FKBP5: variants seen among roughly 807,000 people sequenced by gnomAD.
The protein encoded by FKBP5 is FKBP prolyl isomerase 5.
FKBP5 carries 23 observed loss-of-function variants against 50.5 expected under a neutral mutation model. The ratio of observed to expected loss-of-function variants is 0.46; its 90% CI spans 0.33 to 0.65. The LOEUF (loss-of-function observed/expected upper bound fraction) is 0.65. FKBP5 is among the 30% of genes least tolerant of loss of function. The pLI, the probability that FKBP5 is intolerant of heterozygous loss-of-function variation, is 0.02. For synonymous variants in FKBP5, 176 were observed against 190.6 expected, an observed-to-expected ratio of 0.92 and a Z score of 0.63; for missense variants, 411 against 553.1, an observed-to-expected ratio of 0.74 and a Z score of 2.58.
rs753783494 is a variant in FKBP5 at position 35,642,714 on chromosome 6, C to A, written c.105+6G>T. On this transcript the variant is annotated splice_donor_region_variant and intron_variant, in intron 2 of 10. Coordinates refer to ENST00000357266, the MANE Select transcript of FKBP5 (RefSeq NM_004117.4). Reference sequence around the variant, plus strand: ...CCTTGTATGTCACTCAGCTTTGTGGCCTCACCTTTAATACTCCCCTGTCTT... The same window carrying A: ...CCTTGTATGTCACTCAGCTTTGTGGACTCACCTTTAATACTCCCCTGTCTT... 2 of 1,609,294 alleles carry A rather than the reference C, an allele frequency of 1.2e-6. No individual in the cohort carries two copies. The highest frequency in any genetic ancestry group is 4.5e-5 in the East Asian group (2 of 44,798).
chr6:35,680,892 T>C (rs555709006), intron 1 of FKBP5, among the ~76,000 whole-genome samples: 2 of 152,358 alleles, frequency 1.3e-5, no homozygotes, highest in Admixed American at 6.5e-5. Flanking sequence ...TTCAGTCACA[T>C]TCCCTAGGTG....
chr6:35,703,218 C>T (rs1766223278), intron 2 of FKBP5, among the ~76,000 whole-genome samples: 1 of 151,740 alleles, frequency 6.6e-6, no homozygotes, highest in Admixed American at 6.6e-5. Flanking sequence ...CCACTGCACT[C>T]CAGCCTGGGC....
At chr6:35,603,579 A>G (rs1425480779) in intron 5 of FKBP5, among the ~76,000 whole-genome samples, 1 of 152,052 alleles carries the variant, frequency 6.6e-6, no homozygotes, top group Non-Finnish European at 1.5e-5. Flanking sequence ...CAAATTTTAT[A>G]TTGATATGGA....
intron 3 of FKBP5, among the ~76,000 whole-genome samples, chr6:35,627,497 G>A (rs1764035732): frequency 6.6e-6 from 1 of 152,034 alleles, no homozygotes; most frequent in Admixed American, 6.6e-5. Flanking sequence ...TATAGGAGTT[G>A]TTTGTGTATT....
At chr6:35,682,515 A>C (rs1048836922) in intron 1 of FKBP5, among the ~76,000 whole-genome samples, 6 of 152,198 alleles carry the variant, frequency 3.9e-5, no homozygotes, top group African/African-American at 1.4e-4. Context: ...TGAAATTTGC[A>C]ACCCTGCTTT....
At chr6:35,616,407 A>C (rs1763661076) in intron 5 of FKBP5, among the ~76,000 whole-genome samples, 1 of 152,040 alleles carries the variant, frequency 6.6e-6, no homozygotes. Context: ...GTAACTGGTG[A>C]AATTCAAATA....
chr6:35,579,520 C>T (rs1762354686), intron 9 of FKBP5, among the ~76,000 whole-genome samples: 1 of 151,968 alleles, frequency 6.6e-6, no homozygotes, highest in African/African-American at 2.4e-5. Context: ...CTCAAAAGAC[C>T]AAAGATAGTA....
chr6:35,675,565 G>A (rs570535698), intron 1 of FKBP5, among the ~76,000 whole-genome samples: 4 of 152,134 alleles, frequency 2.6e-5, no homozygotes, highest in South Asian at 2.1e-4. Flanking sequence ...GAAACACTCC[G>A]TCTCAAAAAA....
upstream of FKBP5, among the ~76,000 whole-genome samples, chr6:35,692,491 C>A (rs1020534566): frequency 2.0e-5 from 3 of 152,098 alleles, no homozygotes; most frequent in African/African-American, 7.2e-5. Flanking sequence ...CAGCTTTGTA[C>A]ATTAAGGTTT....
At chr6:35,594,221 G>A (rs991335066) in intron 6 of FKBP5, among the ~76,000 whole-genome samples, 2 of 152,016 alleles carry the variant, frequency 1.3e-5, no homozygotes, top group Non-Finnish European at 1.5e-5. Context: ...AGGCAGGATG[G>A]AGCACACCTG....
intron 1 of FKBP5, among the ~76,000 whole-genome samples, chr6:35,653,787 C>A (rs919635082): frequency 2.0e-5 from 3 of 152,016 alleles, no homozygotes; most frequent in African/African-American, 7.2e-5. Context: ...GCTGACAGGA[C>A]AAGTGGATTA....
At chr6:35,687,367 G>C (rs912227569) in intron 1 of FKBP5, among the ~76,000 whole-genome samples, 3 of 152,172 alleles carry the variant, frequency 2.0e-5, no homozygotes, top group African/African-American at 7.2e-5. Context: ...AAATGGTGAA[G>C]TGAAAGTATG....
chr6:35,708,756 TTTTG>T (rs932692689), intron 2 of FKBP5, among the ~76,000 whole-genome samples: 133 of 152,070 alleles, frequency 8.7e-4, no homozygotes, highest in African/African-American at 2.7e-3. Context: ...TTGTTAATGT[TTTTG>T]TTTGTTTGTT....
upstream of FKBP5, among the ~76,000 whole-genome samples, chr6:35,691,752 T>G (rs117573138): frequency 6.6e-6 from 1 of 152,330 alleles, no homozygotes; most frequent in East Asian, 1.9e-4. Flanking sequence ...CCCTTCAGAA[T>G]TCAAAGATGA....
chr6:35,585,091 T>A (rs1278844079), intron 8 of FKBP5: 19 of 984,748 alleles, frequency 1.9e-5, no homozygotes, highest in Non-Finnish European at 2.3e-5. Flanking sequence ...TCTGAATAGC[T>A]GAGCTGTTTT....
At chr6:35,705,002 G>C (rs1442383660) in intron 2 of FKBP5, among the ~76,000 whole-genome samples, 1 of 150,852 alleles carries the variant, frequency 6.6e-6, no homozygotes. Context: ...TTAGCCGGGC[G>C]TGGTGGCAGG....
At chr6:35,691,987 T>C (rs1425143556), upstream of FKBP5, among the ~76,000 whole-genome samples, 1 of 152,124 alleles carries the variant, frequency 6.6e-6, no homozygotes, top group Non-Finnish European at 1.5e-5. Context: ...GCACTCTCAT[T>C]TTTCACTGGG....
rs138680103 is a variant in FKBP5 at position 35,653,462 on chromosome 6, T to G, written c.-19-10619A>C. Among the ~76,000 whole-genome samples the G allele has an allele frequency of 7.1e-3, 1,075 of 152,336 alleles. 12 individuals carry two copies. The highest frequency in any genetic ancestry group is 0.022 in the African/African-American group (929 of 41,574). On this transcript the variant is annotated intron_variant, in intron 1 of 10. Transcript: ENST00000357266. ...TTGCATTCCAATTTCATATTGACGATACATATGATGGCTTTTTGTTTTAAT... is the reference window on the plus strand; with the variant it reads ...TTGCATTCCAATTTCATATTGACGAGACATATGATGGCTTTTTGTTTTAAT...
At chr6:35,583,091 A>T in intron 8 of FKBP5, 1 of 983,372 alleles carries the variant, frequency 1.0e-6, no homozygotes, top group Middle Eastern at 5.3e-4. Flanking sequence ...TCTCTCTCTA[A>T]AAACAATACC....
Sources: gnomAD v4.1 joint callset for allele counts (sites outside exome capture counted in the v4.1 genomes callset) on GRCh38, gnomAD v4.1.1 for gene constraint, MANE v1.5 for transcripts, NCBI Gene and HGNC (gene_info 2026-07-23, HGNC 2026-07-21) for gene names.